ROPN1: variants seen among roughly 807,000 people sequenced by gnomAD.
ROPN1 encodes the protein rhophilin associated tail protein 1, also known as ropporin-1A.
Under a neutral mutation model 20.5 loss-of-function variants are expected in ROPN1, and 14 were observed. The observed-to-expected ratio is 0.68, with a 90% CI of 0.45 to 1.07. ROPN1 has a LOEUF of 1.07. Among genes scored for constraint, ROPN1 ranks in the 50% least tolerant of loss-of-function variants. The pLI is 0.00. For synonymous variants in ROPN1, 76 were observed against 95.7 expected (o/e 0.79, Z 1.20); for missense variants, 169 against 242.8 (o/e 0.70, Z 2.02).
At chr3:123,969,977 A>G (rs2037882725) in intron 5 of ROPN1, 65 bp downstream of exon 5, 4 of 1,518,266 alleles carry the variant, frequency 2.6e-6, no homozygotes, top group Admixed American at 3.4e-5. Context: ...TAATCTCACT[A>G]TCTTGGCCAG....
At chr3:123,971,359 G>A (rs1318297341) in intron 4 of ROPN1, among the ~76,000 whole-genome samples, 6 of 152,130 alleles carry the variant, frequency 3.9e-5, no homozygotes, top group African/African-American at 1.4e-4. Flanking sequence ...AACATAATTT[G>A]TAATAATTAT....
rs565246173 is a variant in ROPN1 at position 123,990,704 on chromosome 3, A to G, written c.-13+1218T>C. Among the ~76,000 whole-genome samples, 8 of 151,926 alleles carry G rather than the reference A, an allele frequency of 5.3e-5. No homozygotes were observed. The East Asian group carries it at 7.8e-4, about 15-fold the overall frequency. On this transcript the variant is annotated intron_variant, in intron 1 of 5. Coordinates refer to ENST00000405845, the MANE Select transcript of ROPN1 (RefSeq NM_001317774.2). The stretch of plus-strand genomic sequence containing the variant: ...TTGATAGTGTAGGTCTTCTTCAATT[A>G]TACATTCCAGAGCTTATCCATAACC...
At chr3:123,980,313 C>T (rs958028483) in intron 2 of ROPN1, 53 bp downstream of exon 2, 2 of 1,580,092 alleles carry the variant, frequency 1.3e-6, no homozygotes, top group Non-Finnish European at 1.7e-6. Flanking sequence ...TTTTACAGGA[C>T]CCTCTGTCTC....
intron 2 of ROPN1, among the ~76,000 whole-genome samples, chr3:123,977,805 G>C (rs2038054692): frequency 6.6e-6 from 1 of 152,216 alleles, no homozygotes; most frequent in Admixed American, 6.5e-5. Context: ...TCAATGTTTT[G>C]TGGAGTGGAC....
intron 1 of ROPN1, among the ~76,000 whole-genome samples, chr3:123,987,277 C>T (rs1203439339): frequency 6.6e-6 from 1 of 152,248 alleles, no homozygotes; most frequent in Non-Finnish European, 1.5e-5. Flanking sequence ...CTCGTTCCCC[C>T]AGAGCTGTTG....
intron 2 of ROPN1, among the ~76,000 whole-genome samples, chr3:123,977,762 C>A (rs1244158607): frequency 1.3e-5 from 2 of 152,224 alleles, no homozygotes; most frequent in African/African-American, 4.8e-5. Context: ...TCTCCATCTT[C>A]CCTCAAAATT....
intron 5 of ROPN1, among the ~76,000 whole-genome samples, chr3:123,969,644 C>T (rs1184403986): frequency 6.6e-6 from 1 of 152,194 alleles, no homozygotes; most frequent in Non-Finnish European, 1.5e-5. Flanking sequence ...GCTTCTCCTC[C>T]TCCTCCTTCT....
chr3:123,972,634 C>T (rs971668119), intron 4 of ROPN1, among the ~76,000 whole-genome samples: 5 of 152,222 alleles, frequency 3.3e-5, no homozygotes, highest in East Asian at 1.9e-4. Flanking sequence ...GTGTATTAGA[C>T]GCAGAGAGCT....
chr3:123,972,047 C>T (rs1484859920), intron 4 of ROPN1, among the ~76,000 whole-genome samples: 2 of 152,160 alleles, frequency 1.3e-5, no homozygotes, highest in East Asian at 3.9e-4. Flanking sequence ...AGGAGAAATG[C>T]CTCAGAAGAA....
At position 123,980,454 on chromosome 3, in the gene ROPN1, T is replaced by C. The variant is rs752613222; in HGVS notation, c.28A>G (p.Ile10Val). 13 of 1,614,188 alleles carry C rather than the reference T, an allele frequency of 8.1e-6. No individual in the cohort carries two copies. The highest frequency in any genetic ancestry group is 1.1e-5 in the Non-Finnish European group (13 of 1,180,030). ...AGCATCTTCGGCAGCTCCGGCGGGA[T>C]GCATGTTGGCTTATCTGTCTGAGCC... Reference protein sequence around the residue: MAQTDKPTCIPPELPKMLKE... With the variant: MAQTDKPTCVPPELPKMLKE... The change falls in exon 2 of 6, where the codon ATC (isoleucine) becomes GTC (valine). Residue 10 changes from isoleucine (I) to valine (V), a missense_variant. Physicochemically the swap from Ile to Val is conservative, Grantham distance 29. Transcript: ENST00000405845.
intron 3 of ROPN1, among the ~76,000 whole-genome samples, chr3:123,976,499 A>G (rs1284530278): frequency 1.3e-5 from 2 of 152,164 alleles, no homozygotes; most frequent in African/African-American, 4.8e-5. Context: ...GGGAGCTAAA[A>G]TATGCCCTTC....
intron 1 of ROPN1, among the ~76,000 whole-genome samples, chr3:123,989,581 C>T (rs956160348): frequency 6.6e-6 from 1 of 152,214 alleles, no homozygotes; most frequent in African/African-American, 2.4e-5. Context: ...TTCTCCTATG[C>T]TGGGATCCTG....
intron 1 of ROPN1, among the ~76,000 whole-genome samples, chr3:123,982,893 C>A (rs1417728220): frequency 6.6e-6 from 1 of 152,200 alleles, no homozygotes; most frequent in African/African-American, 2.4e-5. Context: ...TTCCCCACAG[C>A]TCCTGGCAAC....
intron 1 of ROPN1, among the ~76,000 whole-genome samples, chr3:123,986,018 A>AAAAAAAAAAAAAT (rs201340337): frequency 0.029 from 2,718 of 93,916 alleles, 678 homozygotes; most frequent in East Asian, 0.17. Flanking sequence ...AAAAAAAAAA[A>AAAAAAAAAAAAAT]TCAAAATATT....
intron 1 of ROPN1, among the ~76,000 whole-genome samples, chr3:123,990,282 G>A (rs1048767119): frequency 3.9e-5 from 6 of 151,962 alleles, no homozygotes; most frequent in African/African-American, 1.5e-4. Context: ...AGGAGGAGGA[G>A]GAGGAAGAAA....
At chr3:123,990,966 G>A (rs1271020687) in intron 1 of ROPN1, among the ~76,000 whole-genome samples, 1 of 152,184 alleles carries the variant, frequency 6.6e-6, no homozygotes, top group Non-Finnish European at 1.5e-5. Context: ...GAATCTCAGA[G>A]GGTTTCTATG....
intron 2 of ROPN1, among the ~76,000 whole-genome samples, chr3:123,977,614 G>T (rs1371437330): frequency 6.6e-6 from 1 of 152,236 alleles, no homozygotes; most frequent in Non-Finnish European, 1.5e-5. Flanking sequence ...TTTCTGGCTG[G>T]AGGTAGTGAG....
intron 5 of ROPN1, among the ~76,000 whole-genome samples, chr3:123,969,812 C>G (rs2037879012): frequency 6.6e-6 from 1 of 152,206 alleles, no homozygotes; most frequent in South Asian, 2.1e-4. Flanking sequence ...TTAGGTGCTG[C>G]TGCCGCTACT....
chr3:123,985,083 G>T (rs1436380462), intron 1 of ROPN1, among the ~76,000 whole-genome samples: 2 of 152,304 alleles, frequency 1.3e-5, no homozygotes, highest in East Asian at 3.9e-4. Flanking sequence ...AAGATTGATG[G>T]TTGTAAACTT....
Sources: gnomAD v4.1 joint callset for allele counts (sites outside exome capture counted in the v4.1 genomes callset) on GRCh38, gnomAD v4.1.1 for gene constraint, MANE v1.5 for transcripts, NCBI Gene and HGNC (gene_info 2026-07-23, HGNC 2026-07-21) for gene names.